Variants in COX7B2 observed in about 807,000 individuals in gnomAD.
The protein encoded by COX7B2 is cytochrome c oxidase subunit 7B2, mitochondrial.
For missense variants in COX7B2, 109 were observed against 95.9 expected (o/e 1.14, Z -0.57); for synonymous variants, 37 against 32.1 (o/e 1.15, Z -0.51).
At chr4:46,742,330 TA>T (rs200876129) in intron 2 of COX7B2, among the ~76,000 whole-genome samples, 1,722 of 151,732 alleles carry the variant, frequency 0.011, 20 homozygotes, top group Middle Eastern at 0.037. Flanking sequence ...TAAGAAACAA[TA>T]AAAAAAAGCA....
chr4:46,870,834 T>C (rs188552464), intron 1 of COX7B2, among the ~76,000 whole-genome samples: 5 of 152,126 alleles, frequency 3.3e-5, no homozygotes, highest in African/African-American at 7.2e-5. Flanking sequence ...AATTGAATCA[T>C]AGAAGACACA....
At chr4:46,745,078 G>T (rs184768335) in intron 2 of COX7B2, among the ~76,000 whole-genome samples, 77 of 152,152 alleles carry the variant, frequency 5.1e-4, no homozygotes, top group Middle Eastern at 3.4e-3. Context: ...TTTCCATTTT[G>T]CATTAAAATT....
At chr4:46,772,890 C>T (rs895715097) in intron 2 of COX7B2, among the ~76,000 whole-genome samples, 1 of 151,950 alleles carries the variant, frequency 6.6e-6, no homozygotes, top group African/African-American at 2.4e-5. Flanking sequence ...TTGCCAATGG[C>T]GTTAGTTTGG....
At chr4:46,824,121 A>C (rs1714503099) in intron 2 of COX7B2, among the ~76,000 whole-genome samples, 1 of 152,170 alleles carries the variant, frequency 6.6e-6, no homozygotes, top group African/African-American at 2.4e-5. Context: ...AGCTAGTAAG[A>C]AACTGAATCC....
chr4:46,740,622 G>A (rs879769210), intron 2 of COX7B2, among the ~76,000 whole-genome samples: 5 of 151,992 alleles, frequency 3.3e-5, no homozygotes, highest in African/African-American at 4.8e-5. Flanking sequence ...ATTGTTAGGT[G>A]TAAAATGGAT....
chr4:46,803,484 T>C (rs1471468247), intron 2 of COX7B2, among the ~76,000 whole-genome samples: 1 of 152,182 alleles, frequency 6.6e-6, no homozygotes, highest in African/African-American at 2.4e-5. Context: ...TCATCAAATA[T>C]TTCATTAGTC....
rs147026578 is a variant in COX7B2, at chr4:46,859,435, C to G, written c.-104-14421G>C. On this transcript the variant is annotated intron_variant, in intron 1 of 2. Coordinates refer to ENST00000355591, the MANE Select transcript of COX7B2 (RefSeq NM_130902.3). The stretch of plus-strand genomic sequence containing the variant: ...CAAGTCTGTGATCTTGATGAAGGAG[C>G]TTTCACATCTCTGAGCTCTACCTTT... Among the ~76,000 whole-genome samples, 263 of 152,282 alleles carry G rather than the reference C, an allele frequency of 1.7e-3. 4 individuals carry two copies. The highest frequency in any genetic ancestry group is 6.0e-3 in the African/African-American group (249 of 41,558).
At chr4:46,781,993 C>T (rs1017442553) in intron 2 of COX7B2, among the ~76,000 whole-genome samples, 3 of 152,182 alleles carry the variant, frequency 2.0e-5, no homozygotes, top group Non-Finnish European at 4.4e-5. Flanking sequence ...GGGCGCCGCC[C>T]CCTGCTTGTG....
At chr4:46,862,779 A>G (rs1001273611) in intron 1 of COX7B2, among the ~76,000 whole-genome samples, 1 of 152,348 alleles carries the variant, frequency 6.6e-6, no homozygotes, top group African/African-American at 2.4e-5. Context: ...AATGATGACT[A>G]GATTTGCCTA....
chr4:46,835,385 AT>A (rs1394242955), intron 2 of COX7B2, among the ~76,000 whole-genome samples: 2 of 152,040 alleles, frequency 1.3e-5, no homozygotes, highest in Non-Finnish European at 2.9e-5. Context: ...TGCTTTTAAA[AT>A]CAGAAAAAAA....
At chr4:46,737,477 T>C in intron 2 of COX7B2, among the ~76,000 whole-genome samples, 1 of 152,090 alleles carries the variant, frequency 6.6e-6, no homozygotes, top group Non-Finnish European at 1.5e-5. Context: ...TAACTGCATA[T>C]AAAGTAGCTG....
At chr4:46,808,765 G>A (rs1719137852) in intron 2 of COX7B2, among the ~76,000 whole-genome samples, 1 of 151,810 alleles carries the variant, frequency 6.6e-6, no homozygotes, top group South Asian at 2.1e-4. Context: ...GAGTACACCA[G>A]TGCTTTTTCT....
At chr4:46,897,282 T>C (rs1024751298) in intron 1 of COX7B2, among the ~76,000 whole-genome samples, 2 of 152,140 alleles carry the variant, frequency 1.3e-5, no homozygotes, top group African/African-American at 4.8e-5. Flanking sequence ...CCACCACCAA[T>C]GTTTCAGGTC....
chr4:46,798,486 G>T (rs1328814701), intron 2 of COX7B2, among the ~76,000 whole-genome samples: 1 of 152,186 alleles, frequency 6.6e-6, no homozygotes, highest in Non-Finnish European at 1.5e-5. Context: ...TACTTAAAGT[G>T]TCACTCAGAG....
chr4:46,893,997 T>C (rs953147160), intron 1 of COX7B2, among the ~76,000 whole-genome samples: 1 of 152,018 alleles, frequency 6.6e-6, no homozygotes, highest in East Asian at 1.9e-4. Flanking sequence ...CTAAAAACAC[T>C]GCTCAAAGAA....
At chr4:46,851,678 A>T (rs920736962) in intron 1 of COX7B2, among the ~76,000 whole-genome samples, 31 of 152,104 alleles carry the variant, frequency 2.0e-4, no homozygotes, top group African/African-American at 7.5e-4. Flanking sequence ...AAAATGTAAT[A>T]GTTCCTCAGT....
At chr4:46,890,418 A>G (rs1171860626) in intron 1 of COX7B2, among the ~76,000 whole-genome samples, 1 of 152,156 alleles carries the variant, frequency 6.6e-6, no homozygotes, top group Non-Finnish European at 1.5e-5. Context: ...TTACCTAAAT[A>G]TTTACTGAGG....
chr4:46,904,939 T>C (rs1213952785), intron 1 of COX7B2, among the ~76,000 whole-genome samples: 1 of 152,206 alleles, frequency 6.6e-6, no homozygotes, highest in African/African-American at 2.4e-5. Flanking sequence ...CATAGTATGG[T>C]AGAACCTACT....
At chr4:46,837,395 A>G (rs73245874) in intron 2 of COX7B2, among the ~76,000 whole-genome samples, 1 of 152,054 alleles carries the variant, frequency 6.6e-6, no homozygotes, top group Non-Finnish European at 1.5e-5. Flanking sequence ...ACTGTATGCT[A>G]AGTGAAATAA....
Sources: allele counts gnomAD v4.1 joint callset (sites outside exome capture counted in the v4.1 genomes callset), GRCh38; gene constraint gnomAD v4.1.1; transcripts MANE v1.5; gene names NCBI Gene and HGNC (gene_info 2026-07-23, HGNC 2026-07-21).